Variants in RIC8B observed in about 807,000 individuals in gnomAD.
RIC8B encodes the protein RIC8 guanine nucleotide exchange factor B, also known as chaperone Ric-8B.
Under a neutral mutation model 57.5 loss-of-function variants are expected in RIC8B, and 16 were observed. The ratio of observed to expected loss-of-function variants is 0.28; its 90% CI spans 0.19 to 0.42. RIC8B has a LOEUF of 0.42. Ranked by LOEUF, RIC8B falls within the 10% of genes least tolerant of loss-of-function variation. The pLI, the probability that RIC8B is intolerant of heterozygous loss-of-function variation, is 1.00. For missense variants in RIC8B, 481 were observed against 677.0 expected (o/e 0.71, Z 3.21); for synonymous variants, 216 against 250.8 (o/e 0.86, Z 1.31).
intron 2 of RIC8B, among the ~76,000 whole-genome samples, chr12:106,799,591 A>G (rs974791804): frequency 7.2e-5 from 11 of 152,212 alleles, no homozygotes; most frequent in African/African-American, 2.4e-4. Context: ...GGTCTTTCAT[A>G]TGCTGTCTAT....
intron 2 of RIC8B, among the ~76,000 whole-genome samples, chr12:106,812,559 A>G (rs1593174504): frequency 6.6e-6 from 1 of 152,136 alleles, no homozygotes. Flanking sequence ...ATATTTTATA[A>G]TACCTTATTA....
chr12:106,784,834 C>T (rs1193595508), intron 2 of RIC8B, among the ~76,000 whole-genome samples: 1 of 152,202 alleles, frequency 6.6e-6, no homozygotes, highest in Non-Finnish European at 1.5e-5. Flanking sequence ...ATCATTCCTC[C>T]ATTCACCTGT....
At chr12:106,789,970 T>C (rs906140504) in intron 2 of RIC8B, among the ~76,000 whole-genome samples, 1 of 152,060 alleles carries the variant, frequency 6.6e-6, no homozygotes, top group African/African-American at 2.4e-5. Flanking sequence ...TTTTAGGAGA[T>C]AATTATAAAT....
At chr12:106,783,445 A>G (rs1372194357) in intron 1 of RIC8B, among the ~76,000 whole-genome samples, 3 of 152,222 alleles carry the variant, frequency 2.0e-5, no homozygotes, top group Admixed American at 2.0e-4. Context: ...AGTCTTCCCT[A>G]TCCACAGTTC....
At chr12:106,869,759 T>A (rs1950315900) in intron 8 of RIC8B, among the ~76,000 whole-genome samples, 1 of 151,980 alleles carries the variant, frequency 6.6e-6, no homozygotes, top group South Asian at 2.1e-4. Context: ...GCCAACATGG[T>A]GAAACCCCGT....
In RIC8B at chr12:106,800,744, G is replaced by C. The variant is rs115619580; in HGVS notation, c.133-13952G>C. Among the ~76,000 whole-genome samples the C allele has an allele frequency of 6.9e-3, 1,049 of 152,242 alleles. 17 individuals carry two copies. The highest frequency in any genetic ancestry group is 0.024 in the African/African-American group (1,005 of 41,542). On this transcript the variant is annotated intron_variant, in intron 2 of 9. Transcript: ENST00000392837. The stretch of plus-strand genomic sequence containing the variant: ...AAGATAGAGGAACTAGTTCAGAGTG[G>C]CTAATTGAGTGTTGTGGAGTAGATG...
intron 9 of RIC8B, among the ~76,000 whole-genome samples, chr12:106,883,402 C>T (rs1051493509): frequency 3.9e-5 from 6 of 152,200 alleles, no homozygotes; most frequent in African/African-American, 1.4e-4. Context: ...TTAATGGAAA[C>T]GTTGTTTCTA....
intron 4 of RIC8B, among the ~76,000 whole-genome samples, chr12:106,838,136 CAT>C (rs2046702505): frequency 1.3e-5 from 2 of 151,968 alleles, no homozygotes; most frequent in African/African-American, 4.8e-5. Flanking sequence ...ATAAAACAGA[CAT>C]ATTGACCAAA....
chr12:106,824,888 CAA>C (rs1316151946), intron 3 of RIC8B, among the ~76,000 whole-genome samples: 11 of 150,826 alleles, frequency 7.3e-5, no homozygotes, highest in East Asian at 1.9e-4. Flanking sequence ...GCCTAGGCGA[CAA>C]GAGCAAAACT....
intron 9 of RIC8B, among the ~76,000 whole-genome samples, chr12:106,881,180 T>G (rs976007220): frequency 1.3e-5 from 2 of 152,022 alleles, no homozygotes; most frequent in Admixed American, 1.3e-4. Flanking sequence ...TCTCAAACTT[T>G]GTAATGACAG....
At chr12:106,814,251 A>G (rs1411521194) in intron 2 of RIC8B, among the ~76,000 whole-genome samples, 1 of 152,150 alleles carries the variant, frequency 6.6e-6, no homozygotes, top group Non-Finnish European at 1.5e-5. Flanking sequence ...ATTTTTTATC[A>G]GTTTGTCAGC....
intron 3 of RIC8B, among the ~76,000 whole-genome samples, chr12:106,818,689 T>C (rs1355023707): frequency 3.3e-5 from 5 of 152,166 alleles, no homozygotes; most frequent in Admixed American, 3.3e-4. Flanking sequence ...CCTCAAGCAG[T>C]CTTCCTACCT....
intron 9 of RIC8B, among the ~76,000 whole-genome samples, chr12:106,874,264 T>C (rs528245370): frequency 5.9e-5 from 9 of 152,202 alleles, no homozygotes; most frequent in Non-Finnish European, 1.3e-4. Flanking sequence ...ATTGTACTAT[T>C]GGTTAGTTCC....
chr12:106,845,425 T>C (rs980092582), intron 6 of RIC8B, among the ~76,000 whole-genome samples: 15 of 152,168 alleles, frequency 9.9e-5, no homozygotes, highest in African/African-American at 3.4e-4. Flanking sequence ...AACTTTATCT[T>C]TCCACCATTG....
At chr12:106,837,164 C>T (rs1026831492) in intron 4 of RIC8B, among the ~76,000 whole-genome samples, 1 of 152,166 alleles carries the variant, frequency 6.6e-6, no homozygotes, top group African/African-American at 2.4e-5. Context: ...GAGTTCGAGA[C>T]CAGCCTGACC....
In RIC8B at chr12:106,814,593, C is replaced by G. The variant is rs1450982647; in HGVS notation, c.133-103C>G. On this transcript the variant is annotated intron_variant, in intron 2 of 9. Transcript: ENST00000392837. ...TTAAAAAATAATAAAAACCTTTTCT[C>G]TCTGGATTTTTAACTGTTGTTAAGT... The G allele has an allele frequency of 3.3e-6, 4 of 1,215,502 alleles. No homozygotes were observed. The East Asian group carries it at 9.5e-5, about 29-fold the overall frequency. The allele number at this position is 1,215,502 out of a possible 1,614,324, so 75.3% of individuals were successfully genotyped here.
intron 2 of RIC8B, among the ~76,000 whole-genome samples, chr12:106,785,610 G>T (rs1358375145): frequency 6.6e-6 from 1 of 152,072 alleles, no homozygotes; most frequent in Non-Finnish European, 1.5e-5. Context: ...GTTTAACTCT[G>T]ACTTTCTTTT....
At chr12:106,869,202 T>G (rs1406482478) in intron 8 of RIC8B, among the ~76,000 whole-genome samples, 1 of 152,180 alleles carries the variant, frequency 6.6e-6, no homozygotes, top group African/African-American at 2.4e-5. Flanking sequence ...GAATCAGGTT[T>G]TCGAGGATGG....
chr12:106,784,967 G>A (rs1245808167), intron 2 of RIC8B, among the ~76,000 whole-genome samples: 1 of 152,138 alleles, frequency 6.6e-6, no homozygotes, highest in Non-Finnish European at 1.5e-5. Context: ...TTTCCTGACT[G>A]TTCTTTCATT....
Sources: allele counts gnomAD v4.1 joint callset (sites outside exome capture counted in the v4.1 genomes callset), GRCh38; gene constraint gnomAD v4.1.1; transcripts MANE v1.5; gene names NCBI Gene and HGNC (gene_info 2026-07-23, HGNC 2026-07-21).